The following EPHB1 variants were observed in gnomAD, a reference collection of about 807,000 sequenced individuals.
EPHB1 encodes the protein ephrin type-B receptor 1.
In EPHB1, 30 loss-of-function variants were observed where a neutral mutation model predicts 94.4. The ratio of observed to expected loss-of-function variants is 0.32; its 90% CI spans 0.24 to 0.43. The LOEUF (loss-of-function observed/expected upper bound fraction) is 0.43, where lower values mean the gene tolerates loss of function less well. Among genes scored for constraint, EPHB1 ranks in the 20% least tolerant of loss-of-function variants. EPHB1 has a pLI of 1.00. For missense variants in EPHB1, 1,055 were observed against 1,308.3 expected (o/e 0.81, Z 2.99); for synonymous variants, 522 against 489.1 (o/e 1.07, Z -0.89).
intron 1 of EPHB1, among the ~76,000 whole-genome samples, chr3:134,917,145 C>G (rs897885085): frequency 6.6e-6 from 1 of 152,204 alleles, no homozygotes; most frequent in African/African-American, 2.4e-5. Context: ...GAAAGTCCAT[C>G]GTAGGTCTAG....
At chr3:135,117,480 G>A (rs1939763561) in intron 4 of EPHB1, among the ~76,000 whole-genome samples, 1 of 152,172 alleles carries the variant, frequency 6.6e-6, no homozygotes, top group Non-Finnish European at 1.5e-5. Flanking sequence ...GCAGTCTGCA[G>A]TCTGAAGTCA....
chr3:134,818,539 C>T (rs2036313961), intron 1 of EPHB1, among the ~76,000 whole-genome samples: 1 of 152,176 alleles, frequency 6.6e-6, no homozygotes, highest in South Asian at 2.1e-4. Context: ...CAACTCTTCC[C>T]TCTCTTACCC....
chr3:135,211,633 A>G (rs1943035115), intron 12 of EPHB1, among the ~76,000 whole-genome samples: 2 of 152,166 alleles, frequency 1.3e-5, no homozygotes, highest in African/African-American at 4.8e-5. Flanking sequence ...TGTGGTTGCC[A>G]TGGCTTCTGA....
chr3:135,098,322 G>T (rs1559829132), intron 3 of EPHB1, among the ~76,000 whole-genome samples: 3 of 146,442 alleles, frequency 2.0e-5, no homozygotes, highest in Non-Finnish European at 3.0e-5. Flanking sequence ...TTTCCATTTT[G>T]CTGAGTATGA....
chr3:135,053,590 G>A (rs1247107937), intron 3 of EPHB1, among the ~76,000 whole-genome samples: 2 of 152,168 alleles, frequency 1.3e-5, no homozygotes, highest in African/African-American at 2.4e-5. Flanking sequence ...GATGCTCTCT[G>A]TATATGCATC....
chr3:134,931,896 ATGTATATAG>A (rs768431869), intron 2 of EPHB1, among the ~76,000 whole-genome samples: 19 of 152,116 alleles, frequency 1.2e-4, no homozygotes, highest in Non-Finnish European at 2.5e-4. Context: ...ACATGTACAT[ATGTATATAG>A]TGTATATATG....
chr3:135,253,748 A>G (rs1023376566), intron 15 of EPHB1, among the ~76,000 whole-genome samples: 1 of 150,942 alleles, frequency 6.6e-6, no homozygotes, highest in Non-Finnish European at 1.5e-5. Context: ...AATTCTGTGA[A>G]GAAAGGCATT....
At chr3:134,865,261 C>T (rs993039323) in intron 1 of EPHB1, among the ~76,000 whole-genome samples, 4 of 152,092 alleles carry the variant, frequency 2.6e-5, no homozygotes, top group Non-Finnish European at 4.4e-5. Context: ...ATTGAAAATA[C>T]TAATTGCAAC....
intron 4 of EPHB1, among the ~76,000 whole-genome samples, chr3:135,131,877 G>A (rs766067717): frequency 2.2e-4 from 34 of 152,278 alleles, no homozygotes; most frequent in Non-Finnish European, 3.8e-4. Context: ...TTGGAATCCC[G>A]CAGGTATGGG....
intron 11 of EPHB1, among the ~76,000 whole-genome samples, chr3:135,197,817 G>GTTTTTTTTTTTTT (rs534497179): frequency 6.8e-6 from 1 of 148,036 alleles, no homozygotes; most frequent in African/African-American, 2.5e-5. Flanking sequence ...AAATAAGTTA[G>GTTTTTTTTTTTTT]TTTTTTTTTT....
At chr3:134,867,356 C>T (rs948251762) in intron 1 of EPHB1, among the ~76,000 whole-genome samples, 1 of 152,188 alleles carries the variant, frequency 6.6e-6, no homozygotes, top group African/African-American at 2.4e-5. Flanking sequence ...ATGATGGAAC[C>T]AGCATTTGGA....
chr3:135,097,900 G>A (rs1938865322), intron 3 of EPHB1, among the ~76,000 whole-genome samples: 1 of 152,112 alleles, frequency 6.6e-6, no homozygotes. Flanking sequence ...TACTCTCAAA[G>A]TTTCCCCAGG....
In EPHB1 at chr3:135,132,981, A is replaced by G. The variant is rs367611346; in HGVS notation, c.1229A>G (p.Asn410Ser). ...TPYTFDIQAI[N>S]GVSSKSPFPP... ...TACACCTTTGACATCCAGGCCATCA[A>G]TGGAGTCTCCAGCAAGAGTCCCTTC... Residue 410 changes from asparagine (N) to serine (S), a missense_variant, in exon 5 of 16, where the codon AAT becomes AGT. By Grantham distance (46) the Asn-to-Ser change is conservative (BLOSUM62 1). Coordinates refer to ENST00000398015, the MANE Select transcript of EPHB1 (RefSeq NM_004441.5). 38 of 1,613,126 alleles carry G rather than the reference A, an allele frequency of 2.4e-5. No homozygotes were observed. Among genetic ancestry groups the G allele is most frequent in the Non-Finnish European group, 3.0e-5 (35 of 1,179,252 alleles).
intron 2 of EPHB1, among the ~76,000 whole-genome samples, chr3:134,929,774 G>A (rs2038869318): frequency 6.6e-6 from 1 of 152,208 alleles, no homozygotes; most frequent in African/African-American, 2.4e-5. Context: ...GAGGCTCTGA[G>A]TGGTTCATGG....
At chr3:134,892,676 A>T (rs1248104684) in intron 1 of EPHB1, among the ~76,000 whole-genome samples, 2 of 152,078 alleles carry the variant, frequency 1.3e-5, no homozygotes, top group African/African-American at 2.4e-5. Flanking sequence ...CTGATGGACA[A>T]ATTAGGCTCC....
At chr3:135,213,910 G>A (rs145459526) in intron 12 of EPHB1, among the ~76,000 whole-genome samples, 12 of 152,232 alleles carry the variant, frequency 7.9e-5, no homozygotes, top group Admixed American at 3.3e-4. Context: ...CTGCACAGCC[G>A]TGCTCTCTGC....
At chr3:135,169,089 A>G (rs1404741551) in intron 9 of EPHB1, among the ~76,000 whole-genome samples, 1 of 152,114 alleles carries the variant, frequency 6.6e-6, no homozygotes, top group Non-Finnish European at 1.5e-5. Context: ...AGGCCATCAC[A>G]TGGTGCCCAT....
chr3:135,115,373 A>G (rs892030922), intron 4 of EPHB1, among the ~76,000 whole-genome samples: 4 of 152,158 alleles, frequency 2.6e-5, no homozygotes, highest in Non-Finnish European at 4.4e-5. Flanking sequence ...CTCTGCTCCA[A>G]TTGTTCACCT....
intron 1 of EPHB1, chr3:134,852,568 G>A (rs1386872385): frequency 6.6e-6 from 1 of 152,268 alleles, no homozygotes; most frequent in African/African-American, 2.4e-5. Flanking sequence ...GAGAATGGAA[G>A]GCCTGAGAAC....
Sources: gnomAD v4.1 joint callset for allele counts (sites outside exome capture counted in the v4.1 genomes callset) on GRCh38, gnomAD v4.1.1 for gene constraint, MANE v1.5 for transcripts, NCBI Gene and HGNC (gene_info 2026-07-23, HGNC 2026-07-21) for gene names.